Variants in ATXN7L1 observed in about 807,000 individuals in gnomAD.
ATXN7L1 encodes the protein ataxin-7-like protein 1.
ATXN7L1 carries 15 observed loss-of-function variants against 70.8 expected under a neutral mutation model. That is an observed-to-expected ratio of 0.21 (90% CI 0.14 to 0.33). ATXN7L1 has a LOEUF of 0.33. Ranked by LOEUF, ATXN7L1 falls within the 10% of genes least tolerant of loss-of-function variation. The pLI, the probability that ATXN7L1 is intolerant of heterozygous loss-of-function variation, is 1.00. For missense variants in ATXN7L1, 975 were observed against 1,097.1 expected (o/e 0.89, Z 1.57); for synonymous variants, 440 against 445.1 (o/e 0.99, Z 0.14).
At position 105,864,033 on chromosome 7, in the gene ATXN7L1, T is replaced by C. The variant is rs557004709; in HGVS notation, c.250+11779A>G. 1.5e-3 allele frequency among the ~76,000 whole-genome samples: 234 copies of C among 152,264 alleles called. 1 individual carries two copies. Among genetic ancestry groups the C allele is most frequent in the African/African-American group, 5.4e-3 (224 of 41,544 alleles). On this transcript the variant is annotated intron_variant, in intron 2 of 11. Coordinates refer to ENST00000419735, the MANE Select transcript of ATXN7L1 (RefSeq NM_020725.2). The stretch of plus-strand genomic sequence containing the variant: ...AGAATCTCTGTGGGTGGTCCTGGCA[T>C]ATTTGCTTTTAAAAAGCTTCCCAAG...
intron 2 of ATXN7L1, among the ~76,000 whole-genome samples, chr7:105,848,640 C>G (rs1814420113): frequency 6.6e-6 from 1 of 152,158 alleles, no homozygotes; most frequent in African/African-American, 2.4e-5. Context: ...AAGGTCAGCA[C>G]TGGTTAATTC....
At chr7:105,639,145 T>TGCCGCCGCC (rs1032180652) in intron 6 of ATXN7L1, among the ~76,000 whole-genome samples, 5 of 152,160 alleles carry the variant, frequency 3.3e-5, no homozygotes, top group Non-Finnish European at 5.9e-5. Context: ...TTCAGGGCGC[T>TGCCGCCGCC]GCCGCCGCCG....
chr7:105,633,839 G>A (rs1796968011), intron 7 of ATXN7L1, among the ~76,000 whole-genome samples: 1 of 152,206 alleles, frequency 6.6e-6, no homozygotes, highest in Non-Finnish European at 1.5e-5. Flanking sequence ...AGATTCCTGG[G>A]GAGTATGCTG....
chr7:105,816,022 T>C (rs1300801422), intron 2 of ATXN7L1, among the ~76,000 whole-genome samples: 1 of 152,206 alleles, frequency 6.6e-6, no homozygotes, highest in East Asian at 1.9e-4. Context: ...CCCTAGTGAA[T>C]AATATTTAAA....
At chr7:105,823,508 T>A (rs1810446017) in intron 2 of ATXN7L1, among the ~76,000 whole-genome samples, 1 of 152,276 alleles carries the variant, frequency 6.6e-6, no homozygotes, top group South Asian at 2.1e-4. Flanking sequence ...ATAAACACTA[T>A]ATTGGAAGTT....
chr7:105,694,425 C>T (rs1257905628), intron 3 of ATXN7L1, among the ~76,000 whole-genome samples: 1 of 152,100 alleles, frequency 6.6e-6, no homozygotes, highest in Admixed American at 6.6e-5. Context: ...GGGTTAAAAC[C>T]CCACAGTTTA....
chr7:105,820,451 C>T (rs1243600851), intron 2 of ATXN7L1, among the ~76,000 whole-genome samples: 1 of 152,114 alleles, frequency 6.6e-6, no homozygotes, highest in Non-Finnish European at 1.5e-5. Flanking sequence ...AGCAAGACCT[C>T]CAAGGCTCAC....
intron 5 of ATXN7L1, 109 bp from the exon 6 acceptor site, chr7:105,639,678 T>C (rs1017146396): frequency 1.1e-5 from 8 of 759,054 alleles, no homozygotes; most frequent in African/African-American, 3.6e-5. Context: ...AAGTGAGACA[T>C]TGTCAGGCAA....
intron 3 of ATXN7L1, among the ~76,000 whole-genome samples, chr7:105,740,789 G>GAC (rs1797933995): frequency 2.4e-5 from 1 of 41,958 alleles, no homozygotes; most frequent in African/African-American, 2.4e-4. Flanking sequence ...TTTTTTAATG[G>GAC]AGTCTCACTC....
At chr7:105,771,576 A>G (rs976966318) in intron 3 of ATXN7L1, among the ~76,000 whole-genome samples, 3 of 152,192 alleles carry the variant, frequency 2.0e-5, no homozygotes, top group African/African-American at 7.2e-5. Context: ...ACAGTGAATC[A>G]GCCAAAAGTT....
chr7:105,733,182 T>C (rs752838970), intron 3 of ATXN7L1, among the ~76,000 whole-genome samples: 1 of 152,178 alleles, frequency 6.6e-6, no homozygotes, highest in Non-Finnish European at 1.5e-5. Flanking sequence ...CTAGATAGAA[T>C]CTAGTAGATA....
intron 7 of ATXN7L1, among the ~76,000 whole-genome samples, chr7:105,635,587 G>C (rs556182594): frequency 2.3e-4 from 35 of 152,358 alleles, no homozygotes; most frequent in African/African-American, 8.4e-4. Flanking sequence ...CTAGTTGGTA[G>C]GCACGGAGTT....
In ATXN7L1 at chr7:105,722,061, T is replaced by C. The variant is rs1795246822; in HGVS notation, c.356-56773A>G. 2.0e-5 allele frequency among the ~76,000 whole-genome samples: 3 copies of C among 152,354 alleles called. No individual in the cohort carries two copies. The South Asian group carries it at 6.2e-4, about 32-fold the overall frequency. On this transcript the variant is annotated intron_variant, in intron 3 of 11. Transcript: ENST00000419735. ...ACAGTTTGGTTCTAATTTAGTTGCC[T>C]GTCCCAACTGCATTGTTTACTGGTA...
At chr7:105,661,877 TG>T (rs1489294382) in intron 4 of ATXN7L1, among the ~76,000 whole-genome samples, 3 of 152,342 alleles carry the variant, frequency 2.0e-5, no homozygotes, top group East Asian at 3.9e-4. Context: ...CTTGCAGGCA[TG>T]GCAAATTGCC....
At chr7:105,687,409 C>A (rs1473508205) in intron 3 of ATXN7L1, among the ~76,000 whole-genome samples, 1 of 152,068 alleles carries the variant, frequency 6.6e-6, no homozygotes, top group African/African-American at 2.4e-5. Context: ...TAAAATGAGG[C>A]CATTAGGATG....
chr7:105,843,142 T>A (rs1585132302), intron 2 of ATXN7L1, among the ~76,000 whole-genome samples: 1 of 152,036 alleles, frequency 6.6e-6, no homozygotes, highest in Non-Finnish European at 1.5e-5. Flanking sequence ...ACAGACAGGG[T>A]CCTTTGGTCA....
chr7:105,811,636 T>C (rs1269598754), intron 2 of ATXN7L1, among the ~76,000 whole-genome samples: 1 of 152,126 alleles, frequency 6.6e-6, no homozygotes, highest in Non-Finnish European at 1.5e-5. Flanking sequence ...AGAATGCATT[T>C]ATAGCCATGG....
intron 7 of ATXN7L1, among the ~76,000 whole-genome samples, chr7:105,631,841 C>A (rs1402265960): frequency 6.6e-6 from 1 of 152,188 alleles, no homozygotes; most frequent in African/African-American, 2.4e-5. Context: ...ATTCTAGACA[C>A]GGGGCCATCA....
At chr7:105,850,818 G>C (rs1470183068) in intron 2 of ATXN7L1, among the ~76,000 whole-genome samples, 1 of 152,114 alleles carries the variant, frequency 6.6e-6, no homozygotes, top group Non-Finnish European at 1.5e-5. Flanking sequence ...GCCCTCAGTG[G>C]GGGCCCTGGT....
Sources: gnomAD v4.1 joint callset for allele counts (sites outside exome capture counted in the v4.1 genomes callset) on GRCh38, gnomAD v4.1.1 for gene constraint, MANE v1.5 for transcripts, NCBI Gene and HGNC (gene_info 2026-07-23, HGNC 2026-07-21) for gene names.